Variants in KCNG3 observed in about 807,000 individuals in gnomAD.
The protein encoded by KCNG3 is voltage-gated potassium channel regulatory subunit KCNG3.
A neutral mutation model predicts 29.0 loss-of-function variants in KCNG3; 15 were observed. The ratio of observed to expected loss-of-function variants is 0.52; its 90% CI spans 0.35 to 0.80. The LOEUF (loss-of-function observed/expected upper bound fraction) is 0.80, where lower values mean the gene tolerates loss of function less well. Ranked by LOEUF, KCNG3 falls within the 30% of genes least tolerant of loss-of-function variation. The pLI is 0.01. For synonymous variants in KCNG3, 322 were observed against 248.9 expected (o/e 1.29, Z -2.76); for missense variants, 512 against 605.7 (o/e 0.85, Z 1.62).
chr2:42,422,888 G>A, the KCNG3 span, among the ~76,000 whole-genome samples: 2 of 152,012 alleles, frequency 1.3e-5, no homozygotes, highest in African/African-American at 2.4e-5. Context: ...CTCCTTGTTG[G>A]GCCCTTCAAC....
At chr2:42,420,039 A>G in the KCNG3 span, among the ~76,000 whole-genome samples, 21 of 152,248 alleles carry the variant, frequency 1.4e-4, no homozygotes, top group Non-Finnish European at 2.6e-4. Flanking sequence ...CCTGGCCAAC[A>G]TGGTGAAAAC....
the KCNG3 span, among the ~76,000 whole-genome samples, chr2:42,427,779 C>A: frequency 6.6e-6 from 1 of 152,210 alleles, no homozygotes; most frequent in Admixed American, 6.5e-5. Flanking sequence ...AATCTACATT[C>A]TGTTACCTTT....
At chr2:42,437,735 C>G (rs1157560870), downstream of KCNG3, among the ~76,000 whole-genome samples, 1 of 151,842 alleles carries the variant, frequency 6.6e-6, no homozygotes, top group East Asian at 1.9e-4. Context: ...GTCAGGAGAT[C>G]GAGACCAGCC....
chr2:42,478,589 G>A (rs1385451067), intron 1 of KCNG3, among the ~76,000 whole-genome samples: 1 of 152,082 alleles, frequency 6.6e-6, no homozygotes, highest in African/African-American at 2.4e-5. Flanking sequence ...TGGTAGTGGA[G>A]GATATAAAAA....
intron 1 of KCNG3, among the ~76,000 whole-genome samples, chr2:42,457,673 C>T (rs1012045338): frequency 2.0e-5 from 1 of 49,326 alleles, no homozygotes; most frequent in African/African-American, 6.0e-5. Flanking sequence ...ACACACAAGG[C>T]TGGGCGCAGT....
At chr2:42,417,157 C>T in the KCNG3 span, among the ~76,000 whole-genome samples, 1 of 152,094 alleles carries the variant, frequency 6.6e-6, no homozygotes, top group Non-Finnish European at 1.5e-5. Flanking sequence ...GCAAGAGAAT[C>T]GCTTGAACCT....
intron 1 of KCNG3, among the ~76,000 whole-genome samples, chr2:42,477,959 A>G (rs1359389518): frequency 1.3e-5 from 2 of 151,952 alleles, no homozygotes; most frequent in African/African-American, 4.8e-5. Flanking sequence ...AACGCACCTT[A>G]GTAAGGTTCT....
the KCNG3 span, among the ~76,000 whole-genome samples, chr2:42,415,794 G>A: frequency 1.3e-5 from 2 of 152,198 alleles, no homozygotes; most frequent in South Asian, 4.2e-4. Context: ...GCAGCAACAT[G>A]GATAAACCTG....
chr2:42,485,330 C>A (rs1375408172), intron 1 of KCNG3, among the ~76,000 whole-genome samples: 3 of 152,116 alleles, frequency 2.0e-5, no homozygotes, highest in African/African-American at 7.2e-5. Context: ...AACACTTAAG[C>A]TGAGATTGAC....
the KCNG3 span, among the ~76,000 whole-genome samples, chr2:42,412,434 T>C: frequency 3.9e-5 from 6 of 152,232 alleles, no homozygotes; most frequent in Non-Finnish European, 8.8e-5. Context: ...TAGTACTAGG[T>C]TCACCTTCTG....
At chr2:42,436,287 C>G in the KCNG3 span, among the ~76,000 whole-genome samples, 2 of 152,042 alleles carry the variant, frequency 1.3e-5, no homozygotes, top group Admixed American at 1.3e-4. Flanking sequence ...TGAAAATGTT[C>G]TGGAGTTAGA....
At chr2:42,432,124 G>C in the KCNG3 span, among the ~76,000 whole-genome samples, 10 of 152,078 alleles carry the variant, frequency 6.6e-5, no homozygotes, top group Non-Finnish European at 1.2e-4. Context: ...GGATCTCTCA[G>C]GGTGTCAGGG....
At chr2:42,430,669 A>C in the KCNG3 span, among the ~76,000 whole-genome samples, 1 of 152,014 alleles carries the variant, frequency 6.6e-6, no homozygotes, top group Admixed American at 6.6e-5. Flanking sequence ...GAGTGGGAGG[A>C]TCACTTGAGC....
intron 1 of KCNG3, 23 bp downstream of exon 1, chr2:42,492,814 G>A: frequency 2.7e-6 from 4 of 1,456,826 alleles, no homozygotes; most frequent in Non-Finnish European, 3.6e-6. Context: ...GGACGGGACG[G>A]GTAGAGAAGC....
At chr2:42,392,680 T>G in the KCNG3 span, among the ~76,000 whole-genome samples, 1 of 151,630 alleles carries the variant, frequency 6.6e-6, no homozygotes, top group Non-Finnish European at 1.5e-5. Flanking sequence ...AGGGAAGAAA[T>G]GTAAATATAT....
rs1326219290 is a variant in KCNG3 at position 42,492,964 on chromosome 2, A to C, written c.538T>G (p.Phe180Val). 8 of 1,566,504 alleles carry C rather than the reference A, an allele frequency of 5.1e-6. No homozygotes were observed. Among genetic ancestry groups the C allele is most frequent in the Non-Finnish European group, 6.0e-6 (7 of 1,160,178 alleles). The change falls in exon 1 of 2, where the codon TTC (phenylalanine) becomes GTC (valine). Residue 180 changes from phenylalanine (F) to valine (V), a missense_variant. Phe to Val is a conservative substitution (Grantham distance 50, BLOSUM62 -1). Around this residue, in one of 5 missense-constraint regions of KCNG3, gnomAD observed 228 missense variants for 200.0 expected, o/e 1.14. Transcript: ENST00000306078. ...AQILASVSVV[F>V]VIVSMVVLCA... ...AGCACCACCATGGACACGATCACGA[A>C]CACCACCGACACGCTAGCCAGGATC...
rs562837515 is a variant in KCNG3 at position 42,492,876 on chromosome 2, C to T, written c.626G>A (p.Arg209Gln). The T allele has an allele frequency of 1.8e-5, 27 of 1,535,336 alleles. No individual in the cohort carries two copies. The highest frequency in any genetic ancestry group is 1.7e-4 in the Middle Eastern group (1 of 5,736). The change falls in exon 1 of 2, where the codon CGG becomes CAG. Residue 209 changes from arginine (R) to glutamine (Q), a missense_variant. Coordinates refer to ENST00000306078, the MANE Select transcript of KCNG3 (RefSeq NM_133329.6). ...AAADNRSLDD[R>Q]SRYSAGPGRE... ...CCCAGGGCCGGCGGAGTACCTGCTC[C>T]GGTCATCCAGGCTGCGGTTGTCGGC... is the stretch of plus-strand genomic sequence containing the variant.
At chr2:42,492,800 G>C (rs1186984222) in intron 1 of KCNG3, 37 bp downstream of exon 1, 6 of 1,430,556 alleles carry the variant, frequency 4.2e-6, no homozygotes, top group Admixed American at 2.9e-5. Flanking sequence ...AGACGCGACA[G>C]GACGGACGGG....
chr2:42,471,189 T>C (rs950998831), intron 1 of KCNG3, among the ~76,000 whole-genome samples: 13 of 117,258 alleles, frequency 1.1e-4, no homozygotes, highest in African/African-American at 3.2e-4. Flanking sequence ...TGTGTGTATA[T>C]ATATATATAT....
Sources: gnomAD v4.1 joint callset for allele counts (sites outside exome capture counted in the v4.1 genomes callset) on GRCh38, gnomAD v4.1.1 for gene constraint, gnomAD v4.1.1 regional missense constraint, MANE v1.5 for transcripts, NCBI Gene and HGNC (gene_info 2026-07-23, HGNC 2026-07-21) for gene names.